The following CEACAM21 variants were observed in gnomAD, a reference collection of about 807,000 sequenced individuals.
CEACAM21 encodes CEA cell adhesion molecule 21.
A neutral mutation model predicts 33.2 loss-of-function variants in CEACAM21; 38 were observed. That is an observed-to-expected ratio of 1.14 (90% CI 0.88 to 1.50). CEACAM21 has a LOEUF of 1.50. CEACAM21 is among the 40% of genes most tolerant of loss of function. CEACAM21 has a pLI of 0.00. For missense variants in CEACAM21, 385 were observed against 364.6 expected (o/e 1.06, Z -0.46); for synonymous variants, 156 against 143.0 (o/e 1.09, Z -0.65).
chr19:41,560,521 C>G (rs1276285126), intron 1 of CEACAM21, among the ~76,000 whole-genome samples: 2 of 152,006 alleles, frequency 1.3e-5, no homozygotes, highest in Admixed American at 6.6e-5. Context: ...ACTTTGACCC[C>G]CAAACCAGAA....
Position 41,576,238 on chromosome 19 carries a change from C to T in CEACAM21, c.-37C>T, listed in dbSNP as rs1189990258. The T allele has an allele frequency of 1.9e-6, 3 of 1,613,148 alleles. No individual in the cohort carries two copies. The highest frequency in any genetic ancestry group is 2.5e-6 in the Non-Finnish European group (3 of 1,179,294). ...TAGAGCGTTCCTGGAGCCCAAGCTC[C>T]TCTCCACAGAGGAGGACAGAGCAGG... On this transcript the variant is annotated 5_prime_UTR_variant, in exon 1 of 7. Transcript: ENST00000401445.
chr19:41,564,001 G>C (rs567753818), intron 1 of CEACAM21, among the ~76,000 whole-genome samples: 1 of 152,242 alleles, frequency 6.6e-6, no homozygotes, highest in South Asian at 2.1e-4. Context: ...ATCTGAATCT[G>C]CAGGGCCTCT....
chr19:41,584,647 G>T (rs539895104), intron 4 of CEACAM21, among the ~76,000 whole-genome samples: 117 of 152,166 alleles, frequency 7.7e-4, no homozygotes, highest in Non-Finnish European at 1.3e-3. Context: ...AGTGAATTCA[G>T]TCCAATTAAG....
intron 2 of CEACAM21, among the ~76,000 whole-genome samples, chr19:41,568,933 A>G (rs1402279206): frequency 2.0e-5 from 3 of 152,250 alleles, no homozygotes; most frequent in Non-Finnish European, 2.9e-5. Context: ...ATTCATGAAC[A>G]TGGAATATCT....
chr19:41,580,881 C>T (rs2043325320), intron 3 of CEACAM21, among the ~76,000 whole-genome samples: 1 of 152,196 alleles, frequency 6.6e-6, no homozygotes, highest in African/African-American at 2.4e-5. Flanking sequence ...GCTGAAAGTC[C>T]CAACCCTCTA....
exon 2 of CEACAM21, chr19:41,564,695 C>G (rs1442231124): frequency 6.6e-6 from 1 of 152,286 alleles, no homozygotes; most frequent in Non-Finnish European, 1.5e-5. Flanking sequence ...CCGCCGAGCC[C>G]GTCCCTTGGC....
chr19:41,572,922 A>G (rs1414143313), upstream of CEACAM21, among the ~76,000 whole-genome samples: 1 of 152,088 alleles, frequency 6.6e-6, no homozygotes, highest in African/African-American at 2.4e-5. Context: ...GACCCTCAAC[A>G]TCAATCTGGT....
chr19:41,578,094 CCCA>C (rs1400168287), intron 2 of CEACAM21, among the ~76,000 whole-genome samples: 2 of 152,152 alleles, frequency 1.3e-5, no homozygotes, highest in African/African-American at 4.8e-5. Context: ...GGGCTCAGCC[CCCA>C]GAGCCCCATC....
chr19:41,584,553 C>T (rs1256770654), intron 4 of CEACAM21, 110 bp downstream of exon 4: 2 of 931,918 alleles, frequency 2.1e-6, no homozygotes, highest in African/African-American at 1.6e-5. Context: ...CCTCCCGACT[C>T]CCCAGGGATC....
intron 1 of CEACAM21, among the ~76,000 whole-genome samples, chr19:41,562,985 C>G (rs188491606): frequency 2.0e-5 from 3 of 152,298 alleles, no homozygotes; most frequent in African/African-American, 7.2e-5. Flanking sequence ...GCCTCCGCCT[C>G]CCGAAGTGCT....
chr19:41,562,117 G>C (rs1305852331), intron 1 of CEACAM21, among the ~76,000 whole-genome samples: 1 of 152,054 alleles, frequency 6.6e-6, no homozygotes, highest in Non-Finnish European at 1.5e-5. Context: ...GTGGTGACAG[G>C]CACCTGTAAT....
At chr19:41,568,678 G>T (rs75917800) in intron 2 of CEACAM21, among the ~76,000 whole-genome samples, 3,642 of 152,224 alleles carry the variant, frequency 0.024, 156 homozygotes, top group African/African-American at 0.083. Context: ...ATGCTGATTT[G>T]GTTACTATAG....
intron 2 of CEACAM21, among the ~76,000 whole-genome samples, chr19:41,567,308 T>G (rs148531607): frequency 6.6e-6 from 1 of 152,310 alleles, no homozygotes; most frequent in African/African-American, 2.4e-5. Flanking sequence ...TGAGAACAAA[T>G]TAAGGCTATT....
intron 5 of CEACAM21, 91 bp from the exon 6 acceptor site, chr19:41,585,749 A>T (rs1053639588): frequency 1.5e-6 from 2 of 1,352,062 alleles, no homozygotes; most frequent in African/African-American, 2.9e-5. Context: ...CCTCTCCCCA[A>T]TTCTCTAAGA....
chr19:41,576,425 G>A (rs547080026), intron 1 of CEACAM21, 87 bp downstream of exon 1: 26 of 1,392,596 alleles, frequency 1.9e-5, no homozygotes, highest in Non-Finnish European at 2.3e-5. Flanking sequence ...GCTCTGAGAG[G>A]AGACAGAGGG....
intron 1 of CEACAM21, among the ~76,000 whole-genome samples, chr19:41,554,792 C>T (rs1165792220): frequency 6.6e-6 from 1 of 152,038 alleles, no homozygotes; most frequent in Non-Finnish European, 1.5e-5. Context: ...TTTCAATGCT[C>T]AATTTACAGA....
At chr19:41,552,512 A>AT (rs2041273341) in intron 1 of CEACAM21, among the ~76,000 whole-genome samples, 1 of 152,160 alleles carries the variant, frequency 6.6e-6, no homozygotes, top group South Asian at 2.1e-4. Context: ...TTTGATACTG[A>AT]ACTTAACCAC....
intron 1 of CEACAM21, chr19:41,551,837 G>A (rs910477907): frequency 3.3e-5 from 5 of 152,124 alleles, no homozygotes; most frequent in African/African-American, 1.2e-4. Context: ...CGGTCAGTTG[G>A]GGAGGAAGCC....
chr19:41,586,454 G>A lies in CEACAM21; in HGVS notation c.*1-10G>A, dbSNP rs376012958. ...CCTCAGGGGTCAAGACCTCTTCTCT[G>A]TTTTTACAGGAATTGCTACACTCTG... On this transcript the variant is annotated splice_polypyrimidine_tract_variant and intron_variant, in intron 6 of 6. Coordinates refer to ENST00000401445, the MANE Select transcript of CEACAM21 (RefSeq NM_001098506.4). 9.4e-6 allele frequency: 6 copies of A among 639,178 alleles called. No homozygotes were observed. Among genetic ancestry groups the A allele is most frequent in the Non-Finnish European group, 1.8e-5 (6 of 334,200 alleles). The allele number at this position is 639,178 out of a possible 1,614,324, so 39.6% of individuals were successfully genotyped here.
Sources: gnomAD v4.1 joint callset for allele counts (sites outside exome capture counted in the v4.1 genomes callset) on GRCh38, gnomAD v4.1.1 for gene constraint, MANE v1.5 for transcripts, NCBI Gene and HGNC (gene_info 2026-07-23, HGNC 2026-07-21) for gene names.